LARGE1: variants seen among roughly 807,000 people sequenced by gnomAD.
LARGE1 encodes xylosyl- and glucuronyltransferase LARGE1.
A neutral mutation model predicts 87.6 loss-of-function variants in LARGE1; 43 were observed. That is an observed-to-expected ratio of 0.49 (90% CI 0.38 to 0.63). LARGE1 has a LOEUF of 0.63. Ranked by LOEUF, LARGE1 falls within the 30% of genes least tolerant of loss-of-function variation. The pLI is 0.00. For synonymous variants in LARGE1, 434 were observed against 394.6 expected (o/e 1.10, Z -1.18); for missense variants, 802 against 1,000.2 (o/e 0.80, Z 2.67).
chr22:33,713,465 C>T (rs563792264), intron 2 of LARGE1, among the ~76,000 whole-genome samples: 134 of 152,270 alleles, frequency 8.8e-4, no homozygotes, highest in Non-Finnish European at 1.5e-3. Flanking sequence ...TCATTCATTC[C>T]GCGGTCGCTG....
intron 5 of LARGE1, among the ~76,000 whole-genome samples, chr22:33,599,407 G>A (rs2079059306): frequency 6.6e-6 from 1 of 152,162 alleles, no homozygotes; most frequent in Non-Finnish European, 1.5e-5. Context: ...TTTTGAGTGA[G>A]TGGAGTTCAG....
At chr22:33,077,598 T>C in the LARGE1 span, among the ~76,000 whole-genome samples, 2 of 152,188 alleles carry the variant, frequency 1.3e-5, no homozygotes, top group African/African-American at 2.4e-5. Flanking sequence ...ATTTCCAATA[T>C]TTTAATCTTT....
intron 1 of LARGE1, among the ~76,000 whole-genome samples, chr22:33,793,932 A>AT (rs1024031303): frequency 2.6e-5 from 4 of 151,654 alleles, no homozygotes; most frequent in Admixed American, 1.3e-4. Context: ...GATAACCATA[A>AT]TTTTTTTTTC....
chr22:33,680,746 C>T (rs2081741243), intron 2 of LARGE1, among the ~76,000 whole-genome samples: 1 of 151,850 alleles, frequency 6.6e-6, no homozygotes, highest in Non-Finnish European at 1.5e-5. Context: ...ACATTATCCA[C>T]AAGGCAAGTC....
chr22:33,766,635 G>A (rs2084909337), intron 1 of LARGE1, among the ~76,000 whole-genome samples: 1 of 151,810 alleles, frequency 6.6e-6, no homozygotes, highest in African/African-American at 2.4e-5. Context: ...ATGTTAGCCA[G>A]GCTGGTCTCA....
In LARGE1 at chr22:33,400,272, A is replaced by G. The variant is rs5994734; in HGVS notation, c.893-15968T>C. 8.8e-3 allele frequency among the ~76,000 whole-genome samples: 1,339 copies of G among 152,338 alleles called. 19 individuals are homozygous for G. Among genetic ancestry groups the G allele is most frequent in the African/African-American group, 0.03 (1,266 of 41,560 alleles). ...TTTCTGCAGCTGTATAGCAGGAACA[A>G]TATACTGAGTAGTACCAGGATATTG... On this transcript the variant is annotated intron_variant, in intron 7 of 14. Coordinates refer to ENST00000397394, the MANE Select transcript of LARGE1 (RefSeq NM_133642.5).
chr22:33,163,381 T>G (rs548482981), exon 12 of LARGE1: 1 of 152,358 alleles, frequency 6.6e-6, no homozygotes, highest in East Asian at 1.9e-4. Flanking sequence ...GTTTCCAACA[T>G]TTCCAATGAC....
chr22:33,283,731 T>C (rs919489932), intron 12 of LARGE1, among the ~76,000 whole-genome samples: 5 of 149,808 alleles, frequency 3.3e-5, no homozygotes, highest in African/African-American at 1.2e-4. Context: ...GAGCTGAGAT[T>C]ACGCCATTGC....
intron 4 of LARGE1, among the ~76,000 whole-genome samples, chr22:33,608,467 T>A (rs2079329515): frequency 6.6e-6 from 1 of 152,160 alleles, no homozygotes; most frequent in African/African-American, 2.4e-5. Flanking sequence ...ACTCTGCACC[T>A]TGTGTGAAAA....
Position 33,916,184 on chromosome 22 carries a change from G to A in LARGE1, c.-83+3811C>T, listed in dbSNP as rs900415529. On this transcript the variant is annotated intron_variant, in intron 1 of 14. Transcript: ENST00000397394. Reference sequence around the variant, plus strand: ...TAATCCCAGCTACTCGGGAGGCTGAGGCAGGAGAATTGCTTGAACCCGGGA... The same window carrying A: ...TAATCCCAGCTACTCGGGAGGCTGAAGCAGGAGAATTGCTTGAACCCGGGA... Among the ~76,000 whole-genome samples the A allele has an allele frequency of 2.6e-5, 4 of 152,108 alleles. No homozygotes were observed. The South Asian group carries it at 6.2e-4, about 24-fold the overall frequency.
intron 11 of LARGE1, among the ~76,000 whole-genome samples, chr22:33,220,853 C>T (rs1191697388): frequency 2.6e-5 from 4 of 152,166 alleles, no homozygotes; most frequent in Non-Finnish European, 4.4e-5. Flanking sequence ...TGCACTCTCT[C>T]GGATAAACAG....
chr22:33,198,725 A>G (rs1924217850), intron 11 of LARGE1, among the ~76,000 whole-genome samples: 2 of 151,932 alleles, frequency 1.3e-5, no homozygotes, highest in African/African-American at 4.8e-5. Context: ...TGTATATAGA[A>G]CATTGTCTTC....
At chr22:33,474,069 A>G (rs1296490684) in intron 6 of LARGE1, among the ~76,000 whole-genome samples, 1 of 152,182 alleles carries the variant, frequency 6.6e-6, no homozygotes, top group Admixed American at 6.5e-5. Context: ...TTTCACAGGA[A>G]CTTCAAGGTT....
intron 6 of LARGE1, among the ~76,000 whole-genome samples, chr22:33,509,882 G>A (rs962551502): frequency 1.3e-5 from 2 of 152,174 alleles, no homozygotes; most frequent in Non-Finnish European, 2.9e-5. Flanking sequence ...AAAGTGAGCG[G>A]TGCATGTTTA....
chr22:33,397,957 C>G (rs543463629), intron 7 of LARGE1, among the ~76,000 whole-genome samples: 1 of 152,122 alleles, frequency 6.6e-6, no homozygotes, highest in Non-Finnish European at 1.5e-5. Flanking sequence ...TTGGGAACTG[C>G]CTGTTCTTTT....
chr22:33,443,615 A>T (rs1287642388), intron 6 of LARGE1, among the ~76,000 whole-genome samples: 4 of 152,248 alleles, frequency 2.6e-5, no homozygotes, highest in African/African-American at 9.6e-5. Context: ...AAGGGTATCC[A>T]GTCCAATAAA....
At chr22:33,867,766 G>A (rs1452615844) in intron 1 of LARGE1, among the ~76,000 whole-genome samples, 1 of 152,154 alleles carries the variant, frequency 6.6e-6, no homozygotes, top group Non-Finnish European at 1.5e-5. Flanking sequence ...AGTAAAAATA[G>A]TGCATGCTTC....
chr22:33,266,541 C>A (rs374401977), intron 11 of LARGE1, among the ~76,000 whole-genome samples: 2 of 151,620 alleles, frequency 1.3e-5, no homozygotes, highest in Admixed American at 6.6e-5. Context: ...TTATTTAAAA[C>A]CTCTCTGAGC....
chr22:33,350,272 C>G (rs892417192), intron 9 of LARGE1, among the ~76,000 whole-genome samples: 2 of 152,160 alleles, frequency 1.3e-5, no homozygotes, highest in East Asian at 3.9e-4. Flanking sequence ...CTGATGCTGT[C>G]TTGATAGCAG....
Sources: gnomAD v4.1 joint callset for allele counts (sites outside exome capture counted in the v4.1 genomes callset) on GRCh38, gnomAD v4.1.1 for gene constraint, MANE v1.5 for transcripts, NCBI Gene and HGNC (gene_info 2026-07-23, HGNC 2026-07-21) for gene names.